ATP6V0D1: variants seen among roughly 807,000 people sequenced by gnomAD.
ATP6V0D1 encodes V-type proton ATPase subunit d 1.
Under a neutral mutation model 39.0 loss-of-function variants are expected in ATP6V0D1, and 13 were observed. The ratio of observed to expected loss-of-function variants is 0.33; its 90% confidence interval spans 0.22 to 0.53. The LOEUF (loss-of-function observed/expected upper bound fraction) is 0.53, where lower values mean the gene tolerates loss of function less well. Ranked by LOEUF, ATP6V0D1 falls within the 20% of genes least tolerant of loss-of-function variation. The probability of loss-of-function intolerance (pLI) is 0.94; values close to 1 mark genes in which losing one functional copy is unlikely to be tolerated. For missense variants in ATP6V0D1, 272 were observed against 470.9 expected, an observed-to-expected ratio of 0.58 and a Z score of 3.91; for synonymous variants, 191 against 191.2, an observed-to-expected ratio of 1.00 and a Z score of 0.01.
intron 1 of ATP6V0D1, chr16:67,459,326 C>G: frequency 1.1e-6 from 1 of 933,144 alleles, no homozygotes; most frequent in Non-Finnish European, 1.3e-6. Context: ...CAGGCCGGCC[C>G]TGTCCACCCT....
chr16:67,459,878 T>C (rs1192127853), intron 1 of ATP6V0D1, among the ~76,000 whole-genome samples: 3 of 152,224 alleles, frequency 2.0e-5, no homozygotes, highest in Admixed American at 2.0e-4. Context: ...CTGGCCAGCA[T>C]ACTGGGCGGG....
intron 1 of ATP6V0D1, among the ~76,000 whole-genome samples, chr16:67,466,778 C>T (rs1439113176): frequency 1.3e-5 from 2 of 151,974 alleles, no homozygotes; most frequent in Non-Finnish European, 1.5e-5. Flanking sequence ...GCCCAGGCAA[C>T]AGAGTGAGGC....
At chr16:67,472,593 C>T (rs571837834) in intron 1 of ATP6V0D1, among the ~76,000 whole-genome samples, 1 of 152,146 alleles carries the variant, frequency 6.6e-6, no homozygotes, top group Admixed American at 6.6e-5. Context: ...GGCGGCTGGG[C>T]GCGGTGGCTC....
chr16:67,467,943 G>C (rs1300998426), intron 1 of ATP6V0D1, among the ~76,000 whole-genome samples: 2 of 152,168 alleles, frequency 1.3e-5, no homozygotes, highest in Admixed American at 1.3e-4. Context: ...AGAGTGAATG[G>C]GTGGCCTGAC....
rs777999629 is a variant in ATP6V0D1, at chr16:67,438,480, C to G, written c.*48G>C. On this transcript the variant is annotated 3_prime_UTR_variant, in exon 8 of 8. Transcript: ENST00000290949. ...ACACACGCACACACACGCGCACACA[C>G]ACACACACACACACAAAGAGTGCAA... 5 of 1,602,608 alleles carry G rather than the reference C, an allele frequency of 3.1e-6. No homozygotes were observed. The African/African-American group carries it at 4.0e-5, about 13-fold the overall frequency.
rs2066445790 is a variant in ATP6V0D1 at position 67,438,394 on chromosome 16, G to A, written c.*134C>T. On this transcript the variant is annotated 3_prime_UTR_variant, in exon 8 of 8. Coordinates refer to ENST00000290949, the MANE Select transcript of ATP6V0D1 (RefSeq NM_004691.5). ...GTCAGGAGAACTGGGCAGCCGCTAG[G>A]ACAGCGTACTACACCCCGGACAGGC... The A allele has an allele frequency of 1.8e-6, 2 of 1,110,090 alleles. No individual in the cohort carries two copies. Among genetic ancestry groups the A allele is most frequent in the African/African-American group, 3.1e-5 (2 of 63,904 alleles). The allele number at this position is 1,110,090 out of a possible 1,614,324, so 68.8% of individuals were successfully genotyped here.
In ATP6V0D1 at chr16:67,439,129, C is replaced by T. The variant is rs34389524; in HGVS notation, c.658G>A (p.Ala220Thr). ...PILEFEADRRAFIITINSFGT... is the reference protein window; with the variant it reads ...PILEFEADRRTFIITINSFGT... Reference sequence around the variant, plus strand: ...AAAGAATTGATGGTGATGATGAAGGCGCGGCGGTCTGCTTCAAACTGTGGA... The same window carrying T: ...AAAGAATTGATGGTGATGATGAAGGTGCGGCGGTCTGCTTCAAACTGTGGA... Residue 220 changes from alanine to threonine, a missense_variant, in exon 6 of 8, where the codon GCC becomes ACC. By Grantham distance (58) the Ala-to-Thr change is moderately conservative. Coordinates refer to ENST00000290949, the MANE Select transcript of ATP6V0D1 (RefSeq NM_004691.5). 9.9e-6 allele frequency: 16 copies of T among 1,613,994 alleles called. No homozygotes were observed. The highest frequency in any genetic ancestry group is 9.3e-5 in the African/African-American group (7 of 74,916).
chr16:67,474,788 C>A (rs1006151743), intron 1 of ATP6V0D1, among the ~76,000 whole-genome samples: 1 of 152,210 alleles, frequency 6.6e-6, no homozygotes, highest in Non-Finnish European at 1.5e-5. Context: ...CATATCTCCA[C>A]TCAGATGGCT....
At chr16:67,442,936 T>C (rs1017038014) in intron 4 of ATP6V0D1, among the ~76,000 whole-genome samples, 163 bp downstream of exon 4, 2 of 152,188 alleles carry the variant, frequency 1.3e-5, no homozygotes, top group African/African-American at 4.8e-5. Context: ...CCACACAGCC[T>C]TGTGCCCAGC....
At chr16:67,466,326 TACACACACACACACACACACACACAC>T (rs536624557) in intron 1 of ATP6V0D1, among the ~76,000 whole-genome samples, 15 of 120,504 alleles carry the variant, frequency 1.2e-4, no homozygotes, top group African/African-American at 4.2e-4. Flanking sequence ...AGTAAACACA[TACACACACACACACACACACACACAC>T]ACACACACAC....
intron 2 of ATP6V0D1, among the ~76,000 whole-genome samples, chr16:67,445,627 C>T (rs1435635720): frequency 2.0e-5 from 3 of 152,212 alleles, no homozygotes; most frequent in Non-Finnish European, 4.4e-5. Flanking sequence ...TGGGTCAGGT[C>T]GATCCCAGGC....
intron 1 of ATP6V0D1, among the ~76,000 whole-genome samples, chr16:67,463,658 C>T (rs1360302347): frequency 6.6e-6 from 1 of 152,106 alleles, no homozygotes; most frequent in African/African-American, 2.4e-5. Context: ...GTTAATCCAT[C>T]CCATACCTTT....
At chr16:67,452,468 T>A in intron 2 of ATP6V0D1, 1 of 1,444,090 alleles carries the variant, frequency 6.9e-7, no homozygotes, top group Non-Finnish European at 9.4e-7. Flanking sequence ...GGCATCTAAC[T>A]CTGTCCCTGC....
intron 1 of ATP6V0D1, among the ~76,000 whole-genome samples, chr16:67,459,809 G>T (rs2041274885): frequency 1.3e-5 from 2 of 152,234 alleles, no homozygotes; most frequent in Admixed American, 1.3e-4. Context: ...GAGGGTCCTG[G>T]CCCGTGCCAG....
At chr16:67,470,829 C>G (rs908519781) in intron 1 of ATP6V0D1, among the ~76,000 whole-genome samples, 1 of 152,058 alleles carries the variant, frequency 6.6e-6, no homozygotes, top group Admixed American at 6.6e-5. Context: ...ATTAAGCCAG[C>G]AGCCTGACTT....
chr16:67,464,986 G>A (rs775317859), intron 1 of ATP6V0D1, among the ~76,000 whole-genome samples: 1 of 152,256 alleles, frequency 6.6e-6, no homozygotes, highest in Non-Finnish European at 1.5e-5. Flanking sequence ...CTTCAGGGGA[G>A]TTGCTAGGTT....
intron 2 of ATP6V0D1, among the ~76,000 whole-genome samples, chr16:67,451,967 G>T (rs184097162): frequency 5.1e-4 from 77 of 152,360 alleles, no homozygotes; most frequent in Admixed American, 9.1e-4. Context: ...TGGGCATGGG[G>T]TCAGGCCTCC....
intron 1 of ATP6V0D1, among the ~76,000 whole-genome samples, chr16:67,473,907 G>A (rs560908322): frequency 1.8e-4 from 27 of 152,148 alleles, no homozygotes; most frequent in African/African-American, 3.6e-4. Context: ...CCCCCGACTC[G>A]GCCTTCTAAA....
chr16:67,446,236 C>T (rs533717782), intron 2 of ATP6V0D1, among the ~76,000 whole-genome samples: 14 of 152,248 alleles, frequency 9.2e-5, no homozygotes, highest in Admixed American at 7.8e-4. Context: ...TCTAGAAAGG[C>T]GGCAGGAGGA....
Sources: gnomAD v4.1 joint callset for allele counts (sites outside exome capture counted in the v4.1 genomes callset) on GRCh38, gnomAD v4.1.1 for gene constraint, MANE v1.5 for transcripts, NCBI Gene and HGNC (gene_info 2026-07-23, HGNC 2026-07-21) for gene names.